Variants in STAT5B observed in about 807,000 individuals in gnomAD.
STAT5B encodes transcription factor STAT5B.
STAT5B carries 21 observed loss-of-function variants against 107.8 expected under a neutral mutation model. The observed-to-expected ratio is 0.19, with a 90% CI of 0.14 to 0.28. The LOEUF is 0.28. Among genes scored for constraint, STAT5B ranks in the 10% least tolerant of loss-of-function variants. The pLI is 1.00. For synonymous variants in STAT5B, 325 were observed against 401.7 expected, an observed-to-expected ratio of 0.81 and a Z score of 2.28; for missense variants, 565 against 1,008.2, an observed-to-expected ratio of 0.56 and a Z score of 5.95.
chr17:42,253,610 T>C (rs1375079373), intron 1 of STAT5B, among the ~76,000 whole-genome samples: 1 of 152,178 alleles, frequency 6.6e-6, no homozygotes, highest in African/African-American at 2.4e-5. Flanking sequence ...TACCAAGGTA[T>C]TGGTGTTGCT....
chr17:42,236,870 C>T (rs889006191), intron 1 of STAT5B, among the ~76,000 whole-genome samples: 30 of 152,292 alleles, frequency 2.0e-4, no homozygotes, highest in East Asian at 9.6e-4. Flanking sequence ...AGCCATCGAA[C>T]GCTACTCTGC....
At chr17:42,285,435 C>A in the STAT5B span, among the ~76,000 whole-genome samples, 4 of 152,206 alleles carry the variant, frequency 2.6e-5, no homozygotes, top group Non-Finnish European at 4.4e-5. Context: ...CTTCCTCACT[C>A]CCCATCTAAT....
At chr17:42,248,108 C>T (rs1218878001) in intron 1 of STAT5B, among the ~76,000 whole-genome samples, 2 of 151,772 alleles carry the variant, frequency 1.3e-5, no homozygotes, top group South Asian at 2.1e-4. Context: ...GAGACTCCAT[C>T]TCTACAAAAA....
intron 1 of STAT5B, among the ~76,000 whole-genome samples, chr17:42,237,111 G>A (rs987924499): frequency 6.6e-6 from 1 of 152,166 alleles, no homozygotes; most frequent in African/African-American, 2.4e-5. Context: ...AGACATTTCA[G>A]AACAACCTAA....
chr17:42,256,665 C>G (rs1258803345), intron 1 of STAT5B, among the ~76,000 whole-genome samples: 4 of 151,902 alleles, frequency 2.6e-5, no homozygotes, highest in Non-Finnish European at 5.9e-5. Context: ...CGAGACCATC[C>G]TGGCTAACAT....
chr17:42,285,080 C>CT, the STAT5B span, among the ~76,000 whole-genome samples: 6,117 of 145,522 alleles, frequency 0.042, 396 homozygotes, highest in African/African-American at 0.15. Context: ...GAATATATTG[C>CT]TTTTTTTTTT....
upstream of STAT5B, among the ~76,000 whole-genome samples, chr17:42,278,694 T>C (rs902932509): frequency 2.0e-5 from 3 of 151,998 alleles, no homozygotes; most frequent in East Asian, 1.9e-4. Flanking sequence ...TTAAAATTAT[T>C]TGTAGGCCGG....
chr17:42,247,270 G>C (rs2080459528), intron 1 of STAT5B, among the ~76,000 whole-genome samples: 1 of 152,128 alleles, frequency 6.6e-6, no homozygotes, highest in Non-Finnish European at 1.5e-5. Flanking sequence ...CCTTAGAAAA[G>C]CACACCTATC....
chr17:42,246,020 G>A (rs1383435466), intron 1 of STAT5B, among the ~76,000 whole-genome samples: 2 of 152,158 alleles, frequency 1.3e-5, no homozygotes, highest in Admixed American at 6.5e-5. Context: ...TATGCAACAC[G>A]TATGCAAGAG....
chr17:42,283,138 G>A, the STAT5B span, among the ~76,000 whole-genome samples: 6,735 of 152,282 alleles, frequency 0.044, 499 homozygotes, highest in African/African-American at 0.15. Flanking sequence ...TGGGTACTGG[G>A]CTGGCCAAGG....
chr17:42,217,339 C>A, intron 10 of STAT5B, 38 bp downstream of exon 10: 1 of 1,614,168 alleles, frequency 6.2e-7, no homozygotes, highest in Non-Finnish European at 8.5e-7. Context: ...CCTCAAAGAC[C>A]AGGGAAAAAT....
At chr17:42,264,355 C>A (rs1202650903) in intron 1 of STAT5B, among the ~76,000 whole-genome samples, 3 of 115,510 alleles carry the variant, frequency 2.6e-5, no homozygotes, top group Non-Finnish European at 5.2e-5. Context: ...TATCCCTCCC[C>A]CCTCCCCCCA....
rs572627502 is a variant in STAT5B at position 42,263,430 on chromosome 17, C to T, written c.-11+12818G>A. On this transcript the variant is annotated intron_variant, in intron 1 of 18. Coordinates refer to ENST00000293328, the MANE Select transcript of STAT5B (RefSeq NM_012448.4). ...CACTGATAACAAAAAACAAATTCTA[C>T]GTTCTAAGACATATCAATACACACA... 2.6e-5 allele frequency among the ~76,000 whole-genome samples: 4 copies of T among 152,204 alleles called. No homozygotes were observed. The South Asian group carries it at 8.3e-4, about 32-fold the overall frequency.
rs751772818 is a variant in STAT5B at position 42,223,569 on chromosome 17, G to C, written c.376-13C>G. The C allele has an allele frequency of 2.5e-6, 4 of 1,613,892 alleles. No homozygotes were observed. In the African/African-American group the frequency reaches 4.0e-5, roughly 16 times the overall value. On this transcript the variant is annotated splice_polypyrimidine_tract_variant and intron_variant, in intron 4 of 18. Coordinates refer to ENST00000293328, the MANE Select transcript of STAT5B (RefSeq NM_012448.4). ...CTGGAGAGCTACCCTGGGAACATAT[G>C]GGGGGCAGTGCAAGGCAGTGCGAAT...
chr17:42,232,966 C>T (rs1383005080), intron 1 of STAT5B, among the ~76,000 whole-genome samples: 1 of 151,562 alleles, frequency 6.6e-6, no homozygotes, highest in Non-Finnish European at 1.5e-5. Context: ...CTCAGCCTCC[C>T]AAGTAGCTGA....
chr17:42,276,127 G>C lies in STAT5B; in HGVS notation c.-11+121C>G, dbSNP rs1382409179. 3 of 150,110 alleles carry C rather than the reference G, an allele frequency of 2.0e-5. No homozygotes were observed. Among genetic ancestry groups the C allele is most frequent in the African/African-American group, 4.9e-5 (2 of 41,064 alleles). 9.3% of individuals were successfully genotyped at this position (150,110 alleles called of 1,614,324 possible). The stretch of plus-strand genomic sequence containing the variant: ...AGCGCGCAACCACCGCGGCCCGGGA[G>C]TGATGGCGGCGGCGCGGCCCTGACG... On this transcript the variant is annotated intron_variant, in intron 1 of 18. Coordinates refer to ENST00000293328, the MANE Select transcript of STAT5B (RefSeq NM_012448.4). This position sits in a 1 kb window ranked among gnomAD's most constrained non-coding sequence, Gnocchi z 4.8.
chr17:42,263,046 T>C (rs1233392289), intron 1 of STAT5B, among the ~76,000 whole-genome samples: 1 of 120,212 alleles, frequency 8.3e-6, no homozygotes, highest in Non-Finnish European at 1.7e-5. Context: ...TTTTTTTTTT[T>C]AAAGAGAGAC....
chr17:42,232,202 T>A (rs891179235), intron 1 of STAT5B, 65 bp from the exon 2 acceptor site: 1 of 1,536,038 alleles, frequency 6.5e-7, no homozygotes. Flanking sequence ...TCCACCAGAG[T>A]AAATATTCAC....
chr17:42,256,779 A>G (rs1336579750), intron 1 of STAT5B, among the ~76,000 whole-genome samples: 3 of 145,970 alleles, frequency 2.1e-5, no homozygotes, highest in Non-Finnish European at 4.5e-5. Context: ...GGAGAATGGC[A>G]TGAACCCAGG....
Sources: allele counts gnomAD v4.1 joint callset (sites outside exome capture counted in the v4.1 genomes callset), GRCh38; gene constraint gnomAD v4.1.1; non-coding constraint Gnocchi (gnomAD v3.1); transcripts MANE v1.5; gene names NCBI Gene and HGNC (gene_info 2026-07-23, HGNC 2026-07-21).